DOP1A: variants seen among roughly 807,000 people sequenced by gnomAD.
DOP1A encodes the protein protein DOP1A.
A neutral mutation model predicts 267.6 loss-of-function variants in DOP1A; 90 were observed. The observed-to-expected ratio is 0.34, with a 90% CI of 0.28 to 0.40. The LOEUF is 0.40. Ranked by LOEUF, DOP1A falls within the 10% of genes least tolerant of loss-of-function variation. The pLI is 1.00. For missense variants in DOP1A, 2,437 were observed against 2,900.4 expected, an observed-to-expected ratio of 0.84 and a Z score of 3.67; for synonymous variants, 932 against 999.1, an observed-to-expected ratio of 0.93 and a Z score of 1.27.
chr6:83,169,199 A>G (rs1786528399), downstream of DOP1A: 9 of 1,612,328 alleles, frequency 5.6e-6, no homozygotes, highest in Non-Finnish European at 7.6e-6. Context: ...AAGACTTGTA[A>G]AAAGTCCAGT....
rs1193779783 is a variant in DOP1A, at chr6:83,135,851, T to C, written c.3103T>C (p.Phe1035Leu). The C allele has an allele frequency of 1.2e-6, 2 of 1,613,412 alleles. No individual in the cohort carries two copies. Among genetic ancestry groups the C allele is most frequent in the East Asian group, 2.2e-5 (1 of 44,854 alleles). ...CYPGEESDKH[F>L]MQNFACSNVS... ...TCCAGGAGAGGAGAGTGACAAGCAT[T>C]TCATGCAAAATTTTGCCTGCAGCAA... Residue 1035 changes from phenylalanine to leucine, a missense_variant, in exon 20 of 39, where the codon TTC becomes CTC. Physicochemically the swap from Phe to Leu is conservative, Grantham distance 22. This residue lies in a region of DOP1A where 878 missense variants were observed against 992.9 expected (regional missense o/e 0.88). Transcript: ENST00000349129.
chr6:83,134,704 C>T (rs747377164), intron 19 of DOP1A, among the ~76,000 whole-genome samples: 1 of 152,140 alleles, frequency 6.6e-6, no homozygotes, highest in South Asian at 2.1e-4. Flanking sequence ...CTAACAGATT[C>T]TTTCCATGAA....
Position 83,156,568 on chromosome 6 carries a change from G to A in DOP1A, c.6604+465G>A, listed in dbSNP as rs1040063284. Among the ~76,000 whole-genome samples, 3 of 152,132 alleles carry A rather than the reference G, an allele frequency of 2.0e-5. No individual in the cohort carries two copies. In the East Asian group the frequency reaches 5.8e-4, roughly 29 times the overall value. On this transcript the variant is annotated intron_variant, in intron 34 of 38. Coordinates refer to ENST00000349129, the MANE Select transcript of DOP1A (RefSeq NM_015018.4). ...CATCAAGTGGGTTTGGTGACCTTCT[G>A]TATCCAGAAGGATATCAGTACACGT... is the stretch of plus-strand genomic sequence containing the variant.
chr6:83,113,467 T>G, intron 7 of DOP1A, 46 bp downstream of exon 7: 1 of 1,466,452 alleles, frequency 6.8e-7, no homozygotes, highest in Non-Finnish European at 9.6e-7. Context: ...CTTGGAAAAC[T>G]GTAGATTGAT....
chr6:83,131,919 G>T (rs187844567), intron 17 of DOP1A, among the ~76,000 whole-genome samples: 1 of 152,144 alleles, frequency 6.6e-6, no homozygotes, highest in African/African-American at 2.4e-5. Context: ...TTACAGCCAT[G>T]AGCCACCATG....
At position 83,148,780 on chromosome 6, in the gene DOP1A, G is replaced by A; in HGVS notation, c.5754G>A (p.Val1918=). 1 of 1,555,678 alleles carries A rather than the reference G, an allele frequency of 6.4e-7. No homozygotes were observed. Among genetic ancestry groups the A allele is most frequent in the South Asian group, 1.3e-5 (1 of 78,864 alleles). The stretch of plus-strand genomic sequence containing the variant: ...GCAGAATTCCAGTGCCCAATTTAGT[G>A]GATAGCTGGGCGTCACTGTTGATAC... ...YIQRIPVPNL[V]DSWASLLILL... The change falls in exon 27 of 39, where the codon GTG becomes GTA. Residue 1918 remains valine, a synonymous_variant. Coordinates refer to ENST00000349129, the MANE Select transcript of DOP1A (RefSeq NM_015018.4).
At chr6:83,159,566 C>G (rs1002203792) in intron 36 of DOP1A, among the ~76,000 whole-genome samples, 1 of 152,180 alleles carries the variant, frequency 6.6e-6, no homozygotes, top group Non-Finnish European at 1.5e-5. Flanking sequence ...GCTGGGATTA[C>G]AGGCAGAAGC....
intron 7 of DOP1A, among the ~76,000 whole-genome samples, chr6:83,118,275 A>T (rs1775795114): frequency 6.6e-6 from 1 of 152,124 alleles, no homozygotes; most frequent in African/African-American, 2.4e-5. Context: ...TAAAACCCAG[A>T]TCTCCTTTAA....
At chr6:83,109,580 T>G (rs1774198942) in intron 5 of DOP1A, among the ~76,000 whole-genome samples, 1 of 152,094 alleles carries the variant, frequency 6.6e-6, no homozygotes, top group South Asian at 2.1e-4. Flanking sequence ...TGGGAGAAAA[T>G]AGCTTAGTAC....
chr6:83,165,345 T>C (rs1583214686), intron 38 of DOP1A: 1 of 152,408 alleles, frequency 6.6e-6, no homozygotes, highest in Admixed American at 6.5e-5. Flanking sequence ...GTTTTTTGGT[T>C]TGTTTTTGAC....
In DOP1A at chr6:83,130,379, G is replaced by C. The variant is rs368394321; in HGVS notation, c.2598G>C (p.Glu866Asp). Residue 866 changes from glutamate to aspartate, a missense_variant, in exon 17 of 39, where the codon GAG becomes GAC. Coordinates refer to ENST00000349129, the MANE Select transcript of DOP1A (RefSeq NM_015018.4). The part of the protein sequence containing the change: ...LTQGNLRYIA[E>D]KTEFFKHVAL... ...AGGGCAATCTGAGGTACATAGCTGA[G>C]AAGACTGAATTTTTCAAGGTAAATT... 51 of 1,612,204 alleles carry C rather than the reference G, an allele frequency of 3.2e-5. No homozygotes were observed. Among genetic ancestry groups the C allele is most frequent in the Non-Finnish European group, 3.7e-5 (44 of 1,179,346 alleles).
intron 35 of DOP1A, among the ~76,000 whole-genome samples, chr6:83,158,259 C>T (rs1251402798): frequency 6.6e-6 from 1 of 152,112 alleles, no homozygotes; most frequent in Non-Finnish European, 1.5e-5. Context: ...CCTCGACCTC[C>T]CAAAGTGCTG....
intron 25 of DOP1A, among the ~76,000 whole-genome samples, chr6:83,146,030 T>G (rs1193393171): frequency 6.6e-6 from 1 of 152,212 alleles, no homozygotes. Context: ...CTTTCTTTTC[T>G]GAATGAATCT....
At chr6:83,157,996 T>G (rs1215038863) in intron 35 of DOP1A, among the ~76,000 whole-genome samples, 2 of 152,082 alleles carry the variant, frequency 1.3e-5, no homozygotes, top group Non-Finnish European at 2.9e-5. Flanking sequence ...TCTTTTATTT[T>G]TCCTTTTTTT....
At chr6:83,159,456 T>G (rs934187665) in intron 36 of DOP1A, among the ~76,000 whole-genome samples, 2 of 150,804 alleles carry the variant, frequency 1.3e-5, no homozygotes, top group East Asian at 3.9e-4. Flanking sequence ...TTTTTTTTTG[T>G]CTGTGTGTAT....
chr6:83,133,393 G>A (rs1383422992), intron 18 of DOP1A, among the ~76,000 whole-genome samples: 1 of 151,898 alleles, frequency 6.6e-6, no homozygotes. Flanking sequence ...ACAAATGCAG[G>A]CTTCATAAGA....
chr6:83,120,391 A>T (rs1776176999), intron 9 of DOP1A, among the ~76,000 whole-genome samples: 1 of 151,924 alleles, frequency 6.6e-6, no homozygotes, highest in Non-Finnish European at 1.5e-5. Context: ...AATGATCTTA[A>T]ATAGAAATTC....
intron 25 of DOP1A, 88 bp downstream of exon 25, chr6:83,145,746 T>C: frequency 1.5e-6 from 2 of 1,303,318 alleles, no homozygotes; most frequent in South Asian, 2.8e-5. Context: ...TAATGTCCTT[T>C]CAATATAGTA....
Position 83,137,573 on chromosome 6 carries a change from T to A in DOP1A, c.3531T>A (p.Ile1177=), listed in dbSNP as rs776729215. The change falls in exon 21 of 39, where the codon ATT becomes ATA. Residue 1177 remains isoleucine, a synonymous_variant. Coordinates refer to ENST00000349129, the MANE Select transcript of DOP1A (RefSeq NM_015018.4). ...ESASVTSQLE[I]EAMPPKCSDI... ...CATCAGTTACATCTCAATTAGAAAT[T>A]GAAGCTATGCCCCCAAAGTGCAGTG... is the stretch of plus-strand genomic sequence containing the variant. 79 of 1,613,680 alleles carry A rather than the reference T, an allele frequency of 4.9e-5. No homozygotes were observed. The highest frequency in any genetic ancestry group is 5.8e-5 in the Non-Finnish European group (68 of 1,179,824).
Sources: allele counts gnomAD v4.1 joint callset (sites outside exome capture counted in the v4.1 genomes callset), GRCh38; gene constraint gnomAD v4.1.1; regional missense constraint gnomAD v4.1.1; transcripts MANE v1.5; gene names NCBI Gene and HGNC (gene_info 2026-07-23, HGNC 2026-07-21).